The following MEF2A variants were observed in gnomAD, a reference collection of about 807,000 sequenced individuals.
The protein encoded by MEF2A is myocyte enhancer factor 2A.
A neutral mutation model predicts 55.8 loss-of-function variants in MEF2A; 28 were observed. That is an observed-to-expected ratio of 0.50 (90% CI 0.37 to 0.69). The LOEUF is 0.69. MEF2A is among the 30% of genes least tolerant of loss of function. MEF2A has a pLI of 0.00. For missense variants in MEF2A, 528 were observed against 626.2 expected (o/e 0.84, Z 1.67); for synonymous variants, 239 against 227.1 (o/e 1.05, Z -0.47).
At chr15:99,633,868 T>C (rs889212593) in intron 3 of MEF2A, among the ~76,000 whole-genome samples, 1 of 152,246 alleles carries the variant, frequency 6.6e-6, no homozygotes, top group African/African-American at 2.4e-5. Context: ...ACTGTCATGC[T>C]CATTCATTTA....
chr15:99,651,980 A>G (rs1356920859), intron 4 of MEF2A, among the ~76,000 whole-genome samples: 2 of 152,080 alleles, frequency 1.3e-5, no homozygotes, highest in Admixed American at 1.3e-4. Flanking sequence ...TTTTTATGTC[A>G]TATGTGTCAG....
intron 2 of MEF2A, among the ~76,000 whole-genome samples, chr15:99,601,343 T>G (rs746490935): frequency 1.5e-4 from 23 of 152,102 alleles, no homozygotes; most frequent in Non-Finnish European, 3.2e-4. Flanking sequence ...AAGACTATCT[T>G]ATTTCCTCCA....
At chr15:99,579,016 C>A (rs1965157290) in intron 1 of MEF2A, among the ~76,000 whole-genome samples, 4 of 152,208 alleles carry the variant, frequency 2.6e-5, no homozygotes, top group African/African-American at 9.7e-5. Flanking sequence ...TGAAACCTAA[C>A]ACCAGATGTG....
chr15:99,653,089 ATAT>A (rs1356233468), intron 4 of MEF2A, among the ~76,000 whole-genome samples: 6 of 152,208 alleles, frequency 3.9e-5, no homozygotes, highest in Admixed American at 2.6e-4. Flanking sequence ...ATAAGATAAG[ATAT>A]TATACTGCTA....
intron 7 of MEF2A, among the ~76,000 whole-genome samples, chr15:99,676,455 C>G (rs2153655338): frequency 6.6e-6 from 1 of 151,552 alleles, no homozygotes; most frequent in Middle Eastern, 3.4e-3. Flanking sequence ...ATTGTGAGAG[C>G]CTAATATGCT....
In MEF2A at chr15:99,625,479, C is replaced by G. The variant is rs146808041; in HGVS notation, c.-142-7499C>G. On this transcript the variant is annotated intron_variant, in intron 2 of 11. Coordinates refer to ENST00000557942, the MANE Select transcript of MEF2A (RefSeq NM_001319206.4). Reference sequence around the variant, plus strand: ...GGATGCCTTTATTTCTTTTTCTTGTCTAATTGCTCTAGCTAGAGCTTCCAT... The same window carrying G: ...GGATGCCTTTATTTCTTTTTCTTGTGTAATTGCTCTAGCTAGAGCTTCCAT... 3.0e-3 allele frequency among the ~76,000 whole-genome samples: 453 copies of G among 152,136 alleles called. 4 individuals are homozygous for G. Among genetic ancestry groups the G allele is most frequent in the African/African-American group, 0.01 (424 of 41,526 alleles).
chr15:99,607,151 A>G (rs763625542), intron 2 of MEF2A, among the ~76,000 whole-genome samples: 6 of 152,226 alleles, frequency 3.9e-5, no homozygotes, highest in Admixed American at 6.5e-5. Context: ...TGCTTATGCC[A>G]TGAAACGGAA....
intron 8 of MEF2A, among the ~76,000 whole-genome samples, 170 bp from the exon 9 acceptor site, chr15:99,703,187 AAACTC>A: frequency 6.6e-6 from 1 of 152,278 alleles, no homozygotes; most frequent in East Asian, 1.9e-4. Context: ...AGTCTTTTGA[AAACTC>A]AACAAGTAGA....
At chr15:99,686,295 T>C (rs2054197131) in intron 7 of MEF2A, among the ~76,000 whole-genome samples, 1 of 152,172 alleles carries the variant, frequency 6.6e-6, no homozygotes, top group Non-Finnish European at 1.5e-5. Flanking sequence ...AATACTTTTT[T>C]TTTCATTGTG....
chr15:99,577,087 G>T (rs1964535304), intron 1 of MEF2A, among the ~76,000 whole-genome samples: 1 of 152,070 alleles, frequency 6.6e-6, no homozygotes. Flanking sequence ...AACCTTTCTG[G>T]GCATCACTTT....
At chr15:99,704,321 G>A (rs2057768367) in intron 9 of MEF2A, among the ~76,000 whole-genome samples, 1 of 152,078 alleles carries the variant, frequency 6.6e-6, no homozygotes. Flanking sequence ...ATTTAGCTTT[G>A]TGATCACTCA....
At chr15:99,694,242 T>C (rs181130254) in intron 8 of MEF2A, among the ~76,000 whole-genome samples, 123 of 152,324 alleles carry the variant, frequency 8.1e-4, no homozygotes, top group Non-Finnish European at 1.4e-3. Flanking sequence ...GTCTGATGTT[T>C]TTCTCATGCT....
intron 10 of MEF2A, among the ~76,000 whole-genome samples, chr15:99,709,810 T>C (rs1360928692): frequency 6.6e-6 from 1 of 152,218 alleles, no homozygotes; most frequent in Non-Finnish European, 1.5e-5. Context: ...GGGTATACTC[T>C]AGGACACCGA....
At chr15:99,580,771 A>G (rs903314055) in intron 1 of MEF2A, among the ~76,000 whole-genome samples, 1 of 152,240 alleles carries the variant, frequency 6.6e-6, no homozygotes, top group Admixed American at 6.5e-5. Flanking sequence ...ATGTTTTCTG[A>G]AAAGGTAACT....
chr15:99,680,855 A>G (rs528923497), intron 7 of MEF2A, among the ~76,000 whole-genome samples: 1 of 152,308 alleles, frequency 6.6e-6, no homozygotes, highest in East Asian at 1.9e-4. Context: ...CAGTCATAAC[A>G]TCTTTATTGT....
rs1311025003 is a variant in MEF2A, at chr15:99,715,668, G to T, written c.*2897G>T. ...TCTTTTCTTACCCTTTTAGACTCGT[G>T]TTTTGTATGAGACACCATTGCAAGA... On this transcript the variant is annotated 3_prime_UTR_variant, in exon 12 of 12. Transcript: ENST00000557942. The T allele has an allele frequency of 6.6e-6, 1 of 152,148 alleles. No individual in the cohort carries two copies. 9.4% of individuals were successfully genotyped at this position (152,148 alleles called of 1,614,324 possible). A position where few individuals can be genotyped will look rare whatever the true frequency, so the allele number is the denominator to read the frequency against.
intron 1 of MEF2A, among the ~76,000 whole-genome samples, chr15:99,596,335 T>A (rs866677171): frequency 2.0e-5 from 3 of 152,294 alleles, no homozygotes; most frequent in Middle Eastern, 6.8e-3. Context: ...TTTTCTGCAT[T>A]TTAGTACCAT....
intron 1 of MEF2A, among the ~76,000 whole-genome samples, chr15:99,589,983 T>TTGTA (rs1029984229): frequency 1.1e-4 from 16 of 152,106 alleles, no homozygotes; most frequent in African/African-American, 3.9e-4. Context: ...ATGTGGTTGG[T>TTGTA]TGTAGTATTC....
chr15:99,569,255 C>T (rs1023130785), intron 1 of MEF2A, among the ~76,000 whole-genome samples: 2 of 152,212 alleles, frequency 1.3e-5, no homozygotes, highest in African/African-American at 4.8e-5. Context: ...AGTTCTAACA[C>T]ACTGCGTGAA....
Sources: gnomAD v4.1 joint callset for allele counts (sites outside exome capture counted in the v4.1 genomes callset) on GRCh38, gnomAD v4.1.1 for gene constraint, MANE v1.5 for transcripts, NCBI Gene and HGNC (gene_info 2026-07-23, HGNC 2026-07-21) for gene names.